The following GDPD1 variants were observed in gnomAD, a reference collection of about 807,000 sequenced individuals.
GDPD1 encodes lysophospholipase D GDPD1.
A neutral mutation model predicts 45.1 loss-of-function variants in GDPD1; 28 were observed. The ratio of observed to expected loss-of-function variants is 0.62; its 90% CI spans 0.46 to 0.85. The LOEUF (loss-of-function observed/expected upper bound fraction) is 0.85. Among genes scored for constraint, GDPD1 ranks in the 40% least tolerant of loss-of-function variants. The pLI, the probability that GDPD1 is intolerant of heterozygous loss-of-function variation, is 0.00. For missense variants in GDPD1, 256 were observed against 364.8 expected (o/e 0.70, Z 2.43); for synonymous variants, 139 against 131.4 (o/e 1.06, Z -0.40).
chr17:59,264,302 G>GT (rs1226913043), intron 6 of GDPD1, among the ~76,000 whole-genome samples: 2,897 of 145,908 alleles, frequency 0.02, 92 homozygotes, highest in African/African-American at 0.066. Context: ...GCCCAGCCAA[G>GT]TTTTTTTTTT....
In GDPD1 at chr17:59,248,766, G is replaced by T; in HGVS notation, c.348G>T (p.Leu116=). Reference sequence around the variant, plus strand: ...AGCTCCCACCTTACCTTGGCAAACTGGATGTCTCATTTCAAAGAGGTAATA... The same window carrying T: ...AGCTCCCACCTTACCTTGGCAAACTTGATGTCTCATTTCAAAGAGGTAATA... ...YCELPPYLGK[L]DVSFQRACQC... Residue 116 remains leucine, a synonymous_variant, in exon 4 of 10, where the codon CTG becomes CTT. Transcript: ENST00000284116. 6.2e-7 allele frequency: 1 copy of T among 1,604,292 alleles called. No homozygotes were observed. The highest frequency in any genetic ancestry group is 8.5e-7 in the Non-Finnish European group (1 of 1,174,908).
chr17:59,263,872 T>C (rs1397949754), intron 6 of GDPD1, among the ~76,000 whole-genome samples: 1 of 149,700 alleles, frequency 6.7e-6, no homozygotes, highest in Non-Finnish European at 1.5e-5. Context: ...ATTAAAGGAA[T>C]TGGGGCACAC....
chr17:59,268,337 G>C (rs2047414002), intron 7 of GDPD1, among the ~76,000 whole-genome samples: 1 of 151,950 alleles, frequency 6.6e-6, no homozygotes. Context: ...AGCACTTTGG[G>C]AGGCCAAGGA....
At chr17:59,239,479 G>A (rs555212083) in intron 2 of GDPD1, among the ~76,000 whole-genome samples, 17 of 151,920 alleles carry the variant, frequency 1.1e-4, no homozygotes, top group Non-Finnish European at 2.5e-4. Context: ...GGTGCATGTT[G>A]TTATTCATGG....
chr17:59,234,450 TA>T, intron 1 of GDPD1, 41 bp from the exon 2 acceptor site: 1 of 1,275,860 alleles, frequency 7.8e-7, no homozygotes, highest in Non-Finnish European at 1.1e-6. Flanking sequence ...TCAGGAAAAT[TA>T]AAATGTTCAA....
chr17:59,260,161 T>G (rs1038102244), intron 6 of GDPD1, among the ~76,000 whole-genome samples: 2 of 148,730 alleles, frequency 1.3e-5, no homozygotes, highest in African/African-American at 4.9e-5. Context: ...TTTAAGCAAG[T>G]TAAGCCAAGA....
At chr17:59,237,962 TAA>T (rs61080306) in intron 2 of GDPD1, among the ~76,000 whole-genome samples, 19,969 of 85,390 alleles carry the variant, frequency 0.23, 1,773 homozygotes, top group African/African-American at 0.32. Context: ...GACTCCGTCT[TAA>T]AAAAAAAAAA....
chr17:59,237,403 A>G (rs1423403386), intron 2 of GDPD1, among the ~76,000 whole-genome samples: 3 of 152,132 alleles, frequency 2.0e-5, no homozygotes, highest in Non-Finnish European at 4.4e-5. Flanking sequence ...CTTGTCTCAA[A>G]ATAAATAAAT....
intron 1 of GDPD1, among the ~76,000 whole-genome samples, chr17:59,231,953 A>G (rs1043384914): frequency 1.3e-5 from 2 of 152,178 alleles, no homozygotes; most frequent in African/African-American, 4.8e-5. Context: ...GGAGTTTAGC[A>G]TGAAGGATGT....
At chr17:59,230,371 T>TA in intron 1 of GDPD1, among the ~76,000 whole-genome samples, 1 of 50,150 alleles carries the variant, frequency 2.0e-5, no homozygotes, top group South Asian at 6.1e-4. Context: ...AGTTGTAGAA[T>TA]TTTTTTTTTT....
In GDPD1 at chr17:59,245,426, C is replaced by A; in HGVS notation, c.198C>A (p.Ile66=). ...TTTATTTCTTCAGTGCGGTTAAAAT[C>A]GGAACTGATATGCTAGAATTGGACT... The part of the protein sequence containing the change: ...TMAAFQHAVK[I]GTDMLELDCH... Residue 66 remains isoleucine, a synonymous_variant, in exon 3 of 10, where the codon ATC becomes ATA. Transcript: ENST00000284116. 1.2e-6 allele frequency: 2 copies of A among 1,609,530 alleles called. No individual in the cohort carries two copies. The highest frequency in any genetic ancestry group is 1.1e-5 in the South Asian group (1 of 90,114).
chr17:59,268,299 G>A lies in GDPD1; in HGVS notation c.710+1125G>A, dbSNP rs186081423. 6.2e-4 allele frequency among the ~76,000 whole-genome samples: 94 copies of A among 152,054 alleles called. 1 individual carries two copies. Among genetic ancestry groups the A allele is most frequent in the African/African-American group, 2.0e-3 (85 of 41,512 alleles). On this transcript the variant is annotated intron_variant, in intron 7 of 9. Coordinates refer to ENST00000284116, the MANE Select transcript of GDPD1 (RefSeq NM_182569.4). The stretch of plus-strand genomic sequence containing the variant: ...TTGCATGAAAACACTTTTCATGGCC[G>A]GGCGCGGTGGCTCACGCCTGTAATC...
At chr17:59,269,286 T>A (rs1380371889) in intron 7 of GDPD1, among the ~76,000 whole-genome samples, 1 of 151,784 alleles carries the variant, frequency 6.6e-6, no homozygotes, top group Non-Finnish European at 1.5e-5. Context: ...AGCAAGACTC[T>A]GTCTCAAAAA....
At chr17:59,226,739 G>A (rs1303244195) in intron 1 of GDPD1, among the ~76,000 whole-genome samples, 2 of 151,932 alleles carry the variant, frequency 1.3e-5, no homozygotes, top group Admixed American at 6.6e-5. Flanking sequence ...GCAGTGGCGC[G>A]ATCTCAGCTC....
chr17:59,274,096 C>T lies in GDPD1; in HGVS notation c.*323C>T, dbSNP rs144126313. On this transcript the variant is annotated 3_prime_UTR_variant, in exon 10 of 10. Coordinates refer to ENST00000284116, the MANE Select transcript of GDPD1 (RefSeq NM_182569.4). ...AACATACACAGAAATGTACATACTA[C>T]ATCATCTACAGAAATCTTGATCAAT... 85 of 758,996 alleles carry T rather than the reference C, an allele frequency of 1.1e-4. No individual in the cohort carries two copies. The African/African-American group carries it at 1.5e-3, about 14-fold the overall frequency. The allele number at this position is 758,996 out of a possible 1,614,324, so 47.0% of individuals were successfully genotyped here. A position where few individuals can be genotyped will look rare whatever the true frequency, so the allele number is the denominator to read the frequency against.
At chr17:59,259,950 A>G (rs912088768) in intron 6 of GDPD1, among the ~76,000 whole-genome samples, 1 of 149,772 alleles carries the variant, frequency 6.7e-6, no homozygotes, top group Non-Finnish European at 1.5e-5. Flanking sequence ...AGTCTCAGCT[A>G]CTTGGGAAGC....
At chr17:59,255,815 GTATATATATATACGCGTATATA>G (rs2047299488) in intron 4 of GDPD1, among the ~76,000 whole-genome samples, 1 of 49,180 alleles carries the variant, frequency 2.0e-5, no homozygotes, top group Non-Finnish European at 3.2e-5. Context: ...ATATATACGC[GTATATATATATACGCGTATATA>G]TATATATATA....
At chr17:59,264,740 A>G (rs1006287092) in intron 6 of GDPD1, among the ~76,000 whole-genome samples, 1 of 152,174 alleles carries the variant, frequency 6.6e-6, no homozygotes, top group Non-Finnish European at 1.5e-5. Flanking sequence ...AGAACATTAC[A>G]AAGCACCATG....
intron 4 of GDPD1, among the ~76,000 whole-genome samples, 179 bp from the exon 5 acceptor site, chr17:59,256,943 A>T (rs903925226): frequency 6.6e-6 from 1 of 152,164 alleles, no homozygotes; most frequent in Non-Finnish European, 1.5e-5. Flanking sequence ...GAGTAGAGAA[A>T]GTACACCAGA....
Sources: allele counts gnomAD v4.1 joint callset (sites outside exome capture counted in the v4.1 genomes callset), GRCh38; gene constraint gnomAD v4.1.1; transcripts MANE v1.5; gene names NCBI Gene and HGNC (gene_info 2026-07-23, HGNC 2026-07-21).